Variants in ISG20 observed in about 807,000 individuals in gnomAD.
ISG20 encodes interferon-stimulated gene 20 kDa protein.
In ISG20, 8 loss-of-function variants were observed where a neutral mutation model predicts 11.1. That is an observed-to-expected ratio of 0.72 (90% CI 0.42 to 1.30). ISG20 has a LOEUF of 1.30. Among genes scored for constraint, ISG20 ranks in the 50% most tolerant of loss-of-function variants. The pLI, the probability that ISG20 is intolerant of heterozygous loss-of-function variation, is 0.01. For synonymous variants in ISG20, 110 were observed against 101.7 expected (o/e 1.08, Z -0.49); for missense variants, 243 against 250.2 (o/e 0.97, Z 0.19).
At chr15:88,649,333 A>G (rs1387362386) in intron 2 of ISG20, 1 of 152,080 alleles carries the variant, frequency 6.6e-6, no homozygotes, top group Non-Finnish European at 1.5e-5. Context: ...ATAGTGCCTC[A>G]TGTAGACCCC....
intron 2 of ISG20, among the ~76,000 whole-genome samples, chr15:88,646,274 A>G (rs897880328): frequency 3.9e-5 from 6 of 151,936 alleles, no homozygotes; most frequent in African/African-American, 1.5e-4. Flanking sequence ...CACGTTTCAT[A>G]CTCCCCACCA....
At chr15:88,652,354 T>G in intron 3 of ISG20, 44 bp downstream of exon 3, 1 of 885,288 alleles carries the variant, frequency 1.1e-6, no homozygotes. Context: ...CTCCTCCCCC[T>G]CCTCCCCCTC....
chr15:88,650,189 G>A lies in ISG20; in HGVS notation c.229-1921G>A, dbSNP rs763777389. 14 of 1,501,602 alleles carry A rather than the reference G, an allele frequency of 9.3e-6. No homozygotes were observed. Among genetic ancestry groups the A allele is most frequent in the South Asian group, 8.4e-5 (7 of 83,324 alleles). 93.0% of individuals were successfully genotyped at this position (1,501,602 alleles called of 1,614,324 possible). ...TCCAAAGTGGGCCTGGACTAGCCACGAGCCGCCCCTTTCCCTAATAGAGCT... is the reference window on the plus strand; with the variant it reads ...TCCAAAGTGGGCCTGGACTAGCCACAAGCCGCCCCTTTCCCTAATAGAGCT... On this transcript the variant is annotated intron_variant, in intron 2 of 3. Transcript: ENST00000306072. This position sits in a 1 kb window ranked among gnomAD's most constrained non-coding sequence, Gnocchi z 4.0.
Position 88,639,605 on chromosome 15 carries a change from G to T in ISG20, c.228+11G>T, listed in dbSNP as rs756727522. On this transcript the variant is annotated intron_variant, in intron 2 of 3. Coordinates refer to ENST00000306072, the MANE Select transcript of ISG20 (RefSeq NM_002201.6). The surrounding 1 kb of genome is among the most constrained non-coding windows in gnomAD (Gnocchi z 4.2). Reference sequence around the variant, plus strand: ...GTGGCCAGGCTAGAGGTGAGTGAAGGCCCGGCCAGCAGGGGCTTTGGAAAT... The same window carrying T: ...GTGGCCAGGCTAGAGGTGAGTGAAGTCCCGGCCAGCAGGGGCTTTGGAAAT... The T allele has an allele frequency of 3.7e-6, 6 of 1,607,366 alleles. No individual in the cohort carries two copies. Among genetic ancestry groups the T allele is most frequent in the Non-Finnish European group, 4.3e-6 (5 of 1,174,130 alleles).
rs1424091082 is a variant in ISG20 at position 88,639,372 on chromosome 15, T to A, written c.6T>A (p.Ala2=). The A allele has an allele frequency of 6.2e-7, 1 of 1,609,916 alleles. No individual in the cohort carries two copies. The highest frequency in any genetic ancestry group is 2.2e-5 in the East Asian group (1 of 44,614). The part of the protein sequence containing the change: M[A]GSREVVAMDC... ...TCTGAGGGTCCCCAAGGAACATGGCTGGGAGCCGTGAGGTGGTGGCCATGG... is the reference window on the plus strand; with the variant it reads ...TCTGAGGGTCCCCAAGGAACATGGCAGGGAGCCGTGAGGTGGTGGCCATGG... Residue 2 remains alanine (A), a synonymous_variant, in exon 2 of 4, where the codon GCT becomes GCA. Transcript: ENST00000306072. The surrounding 1 kb of genome is among the most constrained non-coding windows in gnomAD (Gnocchi z 4.2).
intron 2 of ISG20, among the ~76,000 whole-genome samples, chr15:88,646,520 T>C (rs2058176398): frequency 6.6e-6 from 1 of 152,224 alleles, no homozygotes; most frequent in Admixed American, 6.5e-5. Context: ...TGTGGCCCAG[T>C]AATGGTCATT....
intron 2 of ISG20, chr15:88,647,929 C>G (rs993005957): frequency 3.3e-5 from 5 of 152,170 alleles, no homozygotes; most frequent in Admixed American, 6.5e-5. Flanking sequence ...TGTTGGGGCC[C>G]TGCCACCTGG....
chr15:88,652,408 T>TCCC, intron 3 of ISG20, 98 bp downstream of exon 3: 1 of 86,392 alleles, frequency 1.2e-5, no homozygotes, highest in Non-Finnish European at 2.2e-5. Flanking sequence ...CCCCTCCTCC[T>TCCC]CCCCCTCCTC....
intron 2 of ISG20, among the ~76,000 whole-genome samples, chr15:88,646,579 C>T (rs182703797): frequency 2.6e-5 from 4 of 152,256 alleles, no homozygotes; most frequent in African/African-American, 4.8e-5. Context: ...TTGGAGGCTC[C>T]GGAGGCAGTT....
In ISG20 at chr15:88,639,807, G is replaced by A. The variant is rs1356996529; in HGVS notation, c.228+213G>A. ...GACTCACATCTGGAAGCCGCCTTTGGGGCATCTATCTGGATCTGGTCCAAC... is the reference window on the plus strand; with the variant it reads ...GACTCACATCTGGAAGCCGCCTTTGAGGCATCTATCTGGATCTGGTCCAAC... On this transcript the variant is annotated intron_variant, in intron 2 of 3. Coordinates refer to ENST00000306072, the MANE Select transcript of ISG20 (RefSeq NM_002201.6). This position sits in a 1 kb window ranked among gnomAD's most constrained non-coding sequence, Gnocchi z 4.2. Among the ~76,000 whole-genome samples, 1 of 152,166 alleles carries A rather than the reference G, an allele frequency of 6.6e-6. No homozygotes were observed. Among genetic ancestry groups the A allele is most frequent in the African/African-American group, 2.4e-5 (1 of 41,430 alleles).
At position 88,650,638 on chromosome 15, in the gene ISG20, G is replaced by A. The variant is rs2058257950; in HGVS notation, c.229-1472G>A. On this transcript the variant is annotated intron_variant, in intron 2 of 3. Transcript: ENST00000306072. This position sits in a 1 kb window ranked among gnomAD's most constrained non-coding sequence, Gnocchi z 4.0. Reference sequence around the variant, plus strand: ...TCAGTTAAGGCACCTTGAAGGCTGGGGGCTGGAACCATTGGAAGGTTTGCT... The same window carrying A: ...TCAGTTAAGGCACCTTGAAGGCTGGAGGCTGGAACCATTGGAAGGTTTGCT... 5.1e-5 allele frequency: 19 copies of A among 372,742 alleles called. No homozygotes were observed. Among genetic ancestry groups the A allele is most frequent in the South Asian group, 4.8e-4 (19 of 39,334 alleles). The allele number at this position is 372,742 out of a possible 1,614,324, so 23.1% of individuals were successfully genotyped here. A position where few individuals can be genotyped will look rare whatever the true frequency, so the allele number is the denominator to read the frequency against.
At chr15:88,636,612 T>C (rs1158765718), upstream of ISG20, among the ~76,000 whole-genome samples, 2 of 152,182 alleles carry the variant, frequency 1.3e-5, no homozygotes, top group Non-Finnish European at 2.9e-5. Flanking sequence ...GTATTGGCAC[T>C]GTCATAGCCT....
Position 88,639,258 on chromosome 15 carries a change from G to T in ISG20, c.-24-85G>T. 1 of 798,260 alleles carries T rather than the reference G, an allele frequency of 1.3e-6. No individual in the cohort carries two copies. Among genetic ancestry groups the T allele is most frequent in the Non-Finnish European group, 2.0e-6 (1 of 506,714 alleles). The allele number at this position is 798,260 out of a possible 1,614,324, so 49.4% of individuals were successfully genotyped here. A position where few individuals can be genotyped will look rare whatever the true frequency, so the allele number is the denominator to read the frequency against. ...GTCGGAAACAAAGGGCAGGGCGGAG[G>T]GTAAGGCCAGCTGGGGTTGGCTGAG... is the stretch of plus-strand genomic sequence containing the variant. On this transcript the variant is annotated intron_variant, in intron 1 of 3. Coordinates refer to ENST00000306072, the MANE Select transcript of ISG20 (RefSeq NM_002201.6). This position sits in a 1 kb window ranked among gnomAD's most constrained non-coding sequence, Gnocchi z 4.2.
intron 2 of ISG20, among the ~76,000 whole-genome samples, chr15:88,642,045 C>T (rs1319253857): frequency 2.6e-5 from 4 of 150,996 alleles, no homozygotes; most frequent in Non-Finnish European, 4.4e-5. Context: ...GCGATTTTCC[C>T]GCCTCAGCCT....
chr15:88,651,445 T>C (rs1181304285), intron 2 of ISG20: 4 of 338,700 alleles, frequency 1.2e-5, no homozygotes, highest in Non-Finnish European at 1.3e-5. Flanking sequence ...TTCTGGATGC[T>C]CTGGGGAAGA....
At chr15:88,636,409 T>C (rs1202276944), upstream of ISG20, 2 of 152,216 alleles carry the variant, frequency 1.3e-5, no homozygotes, top group African/African-American at 4.8e-5. Flanking sequence ...ACAGTTCAGC[T>C]GGACCCAGGC....
intron 2 of ISG20, among the ~76,000 whole-genome samples, chr15:88,640,648 G>C (rs944020788): frequency 2.6e-5 from 4 of 152,156 alleles, no homozygotes; most frequent in African/African-American, 9.7e-5. Flanking sequence ...TAGATAGAGT[G>C]CCTAAATAGG....
Position 88,656,052 on chromosome 15 carries a change from G to C in ISG20, c.*521G>C, listed in dbSNP as rs1430361195. The C allele has an allele frequency of 6.6e-6, 1 of 152,488 alleles. No homozygotes were observed. The highest frequency in any genetic ancestry group is 1.5e-5 in the Non-Finnish European group (1 of 68,242). The allele number at this position is 152,488 out of a possible 1,614,324, so 9.4% of individuals were successfully genotyped here. A position where few individuals can be genotyped will look rare whatever the true frequency, so the allele number is the denominator to read the frequency against. ...CCTATTTGTAAAATGAGGAAGGAAA[G>C]GTAACAAACTGTGGAGTCAGAGAGA... On this transcript the variant is annotated 3_prime_UTR_variant, in exon 4 of 4. Transcript: ENST00000306072.
chr15:88,652,212 T>C lies in ISG20; in HGVS notation c.331T>C (p.Ser111Pro), dbSNP rs765895239. 1.2e-6 allele frequency: 2 copies of C among 1,613,966 alleles called. No homozygotes were observed. Among genetic ancestry groups the C allele is most frequent in the South Asian group, 2.2e-5 (2 of 91,080 alleles). The change falls in exon 3 of 4, where the codon TCC becomes CCC. Residue 111 changes from serine to proline, a missense_variant. By Grantham distance (74) the Ser-to-Pro change is moderately conservative. Coordinates refer to ENST00000306072, the MANE Select transcript of ISG20 (RefSeq NM_002201.6). ...DMSGYTIYDTSTDRLLWREAK... is the reference protein window; with the variant it reads ...DMSGYTIYDTPTDRLLWREAK... ...GAGCGGCTACACAATCTACGACACG[T>C]CCACTGACAGGCTGTTGTGGCGTGA...
Sources: allele counts gnomAD v4.1 joint callset (sites outside exome capture counted in the v4.1 genomes callset), GRCh38; gene constraint gnomAD v4.1.1; non-coding constraint Gnocchi (gnomAD v3.1); transcripts MANE v1.5; gene names NCBI Gene and HGNC (gene_info 2026-07-23, HGNC 2026-07-21).